TYW5: variants seen among roughly 807,000 people sequenced by gnomAD.
TYW5 encodes tRNA wybutosine-synthesizing protein 5.
TYW5 carries 36 observed loss-of-function variants against 44.4 expected under a neutral mutation model. The ratio of observed to expected loss-of-function variants is 0.81; its 90% CI spans 0.62 to 1.07. The LOEUF is 1.07. TYW5 is among the 50% of genes least tolerant of loss of function. The pLI is 0.00. For synonymous variants in TYW5, 121 were observed against 128.1 expected (o/e 0.94, Z 0.37); for missense variants, 354 against 365.7 (o/e 0.97, Z 0.26).
chr2:199,948,432 C>T lies in TYW5; in HGVS notation c.119G>A (p.Cys40Tyr), dbSNP rs1219941077. ...LVLEGIDLGP[C>Y]TSKWTVDYLS... is the part of the protein sequence containing the mutation. ...GTAATCCACTGTCCATTTGCTTGTA[C>T]ATGGCCCCAAATCAATCCCTTCCAA... The change falls in exon 2 of 8, where the codon TGT becomes TAT. Residue 40 changes from cysteine to tyrosine, a missense_variant. Cys to Tyr is a radical substitution (Grantham distance 194). Transcript: ENST00000354611. 2.5e-6 allele frequency: 4 copies of T among 1,614,134 alleles called. No individual in the cohort carries two copies. The highest frequency in any genetic ancestry group is 3.4e-6 in the Non-Finnish European group (4 of 1,180,008).
At chr2:199,941,758 A>G (rs1485438935) in intron 3 of TYW5, among the ~76,000 whole-genome samples, 2 of 152,218 alleles carry the variant, frequency 1.3e-5, no homozygotes, top group Non-Finnish European at 2.9e-5. Context: ...TCACTGCTTC[A>G]TTGTAAGGAG....
At chr2:199,938,785 G>C in intron 5 of TYW5, 148 bp downstream of exon 5, 1 of 726,586 alleles carries the variant, frequency 1.4e-6, no homozygotes, top group Admixed American at 3.1e-5. Context: ...CTGTATCACT[G>C]CTATGCACAG....
At chr2:199,955,039 T>C (rs1384267840) in intron 1 of TYW5, among the ~76,000 whole-genome samples, 1 of 152,174 alleles carries the variant, frequency 6.6e-6, no homozygotes, top group Non-Finnish European at 1.5e-5. Flanking sequence ...GGGAATCCCA[T>C]TGCTTTCCTT....
chr2:199,929,491 T>C lies in TYW5; in HGVS notation c.*3576A>G, dbSNP rs1201359586. 6.6e-6 allele frequency among the ~76,000 whole-genome samples: 1 copy of C among 151,436 alleles called. No homozygotes were observed. The highest frequency in any genetic ancestry group is 1.9e-4 in the East Asian group (1 of 5,152). On this transcript the variant is annotated 3_prime_UTR_variant, in exon 8 of 8. Transcript: ENST00000354611. ...CCTGACTACATCTATTTTTTAGCAC[T>C]GGGGAAAGGAGTCACAGCAGCACAG... is the stretch of plus-strand genomic sequence containing the variant.
rs1408431604 is a variant in TYW5 at position 199,928,919 on chromosome 2, T to C, written c.*4148A>G. Among the ~76,000 whole-genome samples the C allele has an allele frequency of 6.6e-6, 1 of 152,188 alleles. No individual in the cohort carries two copies. Among genetic ancestry groups the C allele is most frequent in the African/African-American group, 2.4e-5 (1 of 41,450 alleles). ...AATACAAAGTCCCAGCATGTTGGTA[T>C]AGAAATGTTTAATACATTAAATCTT... On this transcript the variant is annotated 3_prime_UTR_variant, in exon 8 of 8. Coordinates refer to ENST00000354611, the MANE Select transcript of TYW5 (RefSeq NM_001039693.3).
chr2:199,933,833 G>A (rs986484553), intron 7 of TYW5, among the ~76,000 whole-genome samples: 2 of 151,930 alleles, frequency 1.3e-5, no homozygotes, highest in African/African-American at 4.8e-5. Context: ...TAGCCTCCTC[G>A]TTTTATATTT....
At chr2:199,939,115 A>G in intron 4 of TYW5, 45 bp from the exon 5 acceptor site, 1 of 1,540,436 alleles carries the variant, frequency 6.5e-7, no homozygotes. Context: ...ATTAGACCCT[A>G]TGATATTAAG....
Position 199,948,360 on chromosome 2 carries a change from G to A in TYW5, c.191C>T (p.Ala64Val). The A allele has an allele frequency of 1.9e-6, 3 of 1,614,136 alleles. No individual in the cohort carries two copies. The highest frequency in any genetic ancestry group is 1.7e-6 in the Non-Finnish European group (2 of 1,180,014). ...ACTAATGAAGTCCATCTGTGCAACT[G>A]CAGCAACATGAATCTTTACTTCTTT... Reference protein sequence around the residue: ...GKKEVKIHVAAVAQMDFISKN... With the variant: ...GKKEVKIHVAVVAQMDFISKN... The change falls in exon 2 of 8, where the codon GCA becomes GTA. Residue 64 changes from alanine (A) to valine (V), a missense_variant. Physicochemically the swap from Ala to Val is moderately conservative, Grantham distance 64. Transcript: ENST00000354611.
Position 199,936,033 on chromosome 2 carries a change from C to G in TYW5, c.589G>C (p.Val197Leu), listed in dbSNP as rs2077417968. Reference protein sequence around the residue: ...YLYLKGTKSEVLNIDNPDLAK... With the variant: ...YLYLKGTKSELLNIDNPDLAK... ...AAGTCTGGGTTATCTATATTCAGTA[C>G]TTCTGATTTAGTACCTAAAAAGTTC... The change falls in exon 7 of 8, where the codon GTA (valine) becomes CTA (leucine). Residue 197 changes from valine to leucine, a missense_variant. Transcript: ENST00000354611. The G allele has an allele frequency of 1.2e-6, 2 of 1,605,640 alleles. No individual in the cohort carries two copies. Among genetic ancestry groups the G allele is most frequent in the South Asian group, 1.1e-5 (1 of 90,338 alleles).
Position 199,943,889 on chromosome 2 carries a change from G to T in TYW5, c.234-55C>A, listed in dbSNP as rs563861568. Reference sequence around the variant, plus strand: ...TTAATAATAACAGATCAACTAGTAAGAATCTAATCACTATACATAAAGGCT... The same window carrying T: ...TTAATAATAACAGATCAACTAGTAATAATCTAATCACTATACATAAAGGCT... On this transcript the variant is annotated intron_variant, in intron 2 of 7. Coordinates refer to ENST00000354611, the MANE Select transcript of TYW5 (RefSeq NM_001039693.3). 2.1e-5 allele frequency: 28 copies of T among 1,348,288 alleles called. No homozygotes were observed. The East Asian group carries it at 6.3e-4, about 30-fold the overall frequency. The allele number at this position is 1,348,288 out of a possible 1,614,324, so 83.5% of individuals were successfully genotyped here. A position where few individuals can be genotyped will look rare whatever the true frequency, so the allele number is the denominator to read the frequency against.
intron 6 of TYW5, 137 bp from the exon 7 acceptor site, chr2:199,936,184 C>T (rs2105692444): frequency 1.5e-6 from 1 of 685,998 alleles, no homozygotes; most frequent in Non-Finnish European, 2.5e-6. Context: ...AATTACTATG[C>T]TACTGACACC....
At chr2:199,946,481 A>T (rs903696854) in intron 2 of TYW5, 5 of 152,190 alleles carry the variant, frequency 3.3e-5, no homozygotes, top group Non-Finnish European at 4.4e-5. Flanking sequence ...GAGACTTTTT[A>T]AAAAAATCTA....
At chr2:199,934,590 CAT>C (rs1470093840) in intron 7 of TYW5, among the ~76,000 whole-genome samples, 1 of 151,962 alleles carries the variant, frequency 6.6e-6, no homozygotes, top group African/African-American at 2.4e-5. Context: ...ATGAACAAAA[CAT>C]AGTTGTCTTC....
In TYW5 at chr2:199,935,204, G is replaced by T. The variant is rs138052846; in HGVS notation, c.691+727C>A. Reference sequence around the variant, plus strand: ...TATAATCTTTTCCCAGATATAAAGTGTCCCACTTTGAAAATAATAATAAAT... The same window carrying T: ...TATAATCTTTTCCCAGATATAAAGTTTCCCACTTTGAAAATAATAATAAAT... On this transcript the variant is annotated intron_variant, in intron 7 of 7. Transcript: ENST00000354611. 1.9e-3 allele frequency among the ~76,000 whole-genome samples: 295 copies of T among 151,938 alleles called. 5 individuals are homozygous for T. The East Asian group carries it at 0.044, about 23-fold the overall frequency.
chr2:199,945,585 C>T (rs2077497948), intron 2 of TYW5: 1 of 152,200 alleles, frequency 6.6e-6, no homozygotes, highest in Non-Finnish European at 1.5e-5. Flanking sequence ...ACCCTTCATT[C>T]CTTCTTGCTT....
chr2:199,934,825 C>A (rs781277030), intron 7 of TYW5, among the ~76,000 whole-genome samples: 3 of 151,888 alleles, frequency 2.0e-5, no homozygotes, highest in Admixed American at 2.0e-4. Flanking sequence ...ATGTTAATTA[C>A]CTTGCTGTGT....
At position 199,936,330 on chromosome 2, in the gene TYW5, A is replaced by G. The variant is rs369619039; in HGVS notation, c.574+75T>C. 4 of 1,272,102 alleles carry G rather than the reference A, an allele frequency of 3.1e-6. No individual in the cohort carries two copies. The South Asian group carries it at 5.2e-5, about 16-fold the overall frequency. The allele number at this position is 1,272,102 out of a possible 1,614,324, so 78.8% of individuals were successfully genotyped here. Reference sequence around the variant, plus strand: ...TTAAGTACTGAAGTGTTCTTTTCCTATAAGAATCAAGAGATTTCTCAAAAA... The same window carrying G: ...TTAAGTACTGAAGTGTTCTTTTCCTGTAAGAATCAAGAGATTTCTCAAAAA... On this transcript the variant is annotated intron_variant, in intron 6 of 7. Coordinates refer to ENST00000354611, the MANE Select transcript of TYW5 (RefSeq NM_001039693.3).
chr2:199,938,355 C>T (rs1375572452), intron 5 of TYW5, among the ~76,000 whole-genome samples: 6 of 152,190 alleles, frequency 3.9e-5, no homozygotes, highest in East Asian at 1.9e-4. Context: ...TGAGCCACCG[C>T]GCCCAGCAGA....
intron 1 of TYW5, 50 bp from the exon 2 acceptor site, chr2:199,948,522 A>C: frequency 1.3e-6 from 2 of 1,590,170 alleles, no homozygotes; most frequent in Non-Finnish European, 1.7e-6. Flanking sequence ...CCAACAACAC[A>C]TCAAGAGCTG....
Sources: gnomAD v4.1 joint callset for allele counts (sites outside exome capture counted in the v4.1 genomes callset) on GRCh38, gnomAD v4.1.1 for gene constraint, MANE v1.5 for transcripts, NCBI Gene and HGNC (gene_info 2026-07-23, HGNC 2026-07-21) for gene names.